BASP1: variants seen among roughly 807,000 people sequenced by gnomAD.
BASP1 encodes brain abundant membrane attached signal protein 1.
In BASP1, 1 loss-of-function variant was observed where a neutral mutation model predicts 2.2. The observed-to-expected ratio is 0.46, with a 90% CI of 0.16 to 2.17. The LOEUF (loss-of-function observed/expected upper bound fraction) is 2.17. BASP1 is among the 30% of genes most tolerant of loss of function. BASP1 has a pLI of 0.27. For synonymous variants in BASP1, 187 were observed against 154.2 expected (o/e 1.21, Z -1.58); for missense variants, 352 against 327.2 (o/e 1.08, Z -0.58).
Position 17,251,203 on chromosome 5 carries a change from T to C in BASP1, c.-9-24005T>C, listed in dbSNP as rs1170606814. Among the ~76,000 whole-genome samples, 1 of 152,204 alleles carries C rather than the reference T, an allele frequency of 6.6e-6. No homozygotes were observed. The highest frequency in any genetic ancestry group is 2.4e-5 in the African/African-American group (1 of 41,446). Reference sequence around the variant, plus strand: ...ACCCCCAAAATATATAATGTGATTATATGTCAATACAAAACCATTAAATAT... The same window carrying C: ...ACCCCCAAAATATATAATGTGATTACATGTCAATACAAAACCATTAAATAT... On this transcript the variant is annotated intron_variant, in intron 1 of 1. Transcript: ENST00000322611. The surrounding 1 kb of genome is among the most constrained non-coding windows in gnomAD (Gnocchi z 4.0).
intron 1 of BASP1, among the ~76,000 whole-genome samples, chr5:17,229,471 A>G (rs1739577360): frequency 6.6e-6 from 1 of 152,156 alleles, no homozygotes; most frequent in Non-Finnish European, 1.5e-5. Context: ...AATTTTTGGT[A>G]AGTACAATAC....
Position 17,275,464 on chromosome 5 carries a change from C to G in BASP1, c.248C>G (p.Pro83Arg). The G allele has an allele frequency of 6.7e-7, 1 of 1,503,044 alleles. No homozygotes were observed. The highest frequency in any genetic ancestry group is 8.9e-7 in the Non-Finnish European group (1 of 1,128,008). The allele number at this position is 1,503,044 out of a possible 1,614,324, so 93.1% of individuals were successfully genotyped here. A position where few individuals can be genotyped will look rare whatever the true frequency, so the allele number is the denominator to read the frequency against. Residue 83 changes from proline (P) to arginine (R), a missense_variant, in exon 2 of 2, where the codon CCG becomes CGG. Pro to Arg is a moderately radical substitution (Grantham distance 103). Transcript: ENST00000322611. The surrounding 1 kb of genome is among the most constrained non-coding windows in gnomAD (Gnocchi z 5.3). ...KDAAAAKEEA[P>R]KAEPEKTEGA... ...GCGGCGGCTGCCAAGGAGGAGGCCC[C>G]GAAGGCGGAGCCCGAGAAGACGGAG...
intron 1 of BASP1, among the ~76,000 whole-genome samples, chr5:17,244,694 GTT>G (rs79126102): frequency 8.7e-5 from 12 of 138,270 alleles, no homozygotes; most frequent in South Asian, 2.3e-4. Flanking sequence ...TAATTGTAGT[GTT>G]TTTTTTTTTT....
chr5:17,218,848 A>G (rs1393827393), intron 1 of BASP1, among the ~76,000 whole-genome samples: 1 of 151,010 alleles, frequency 6.6e-6, no homozygotes, highest in African/African-American at 2.4e-5. Context: ...ATGAATATTC[A>G]TCGAACGCTT....
At chr5:17,271,404 G>T (rs566354282) in intron 1 of BASP1, among the ~76,000 whole-genome samples, 2 of 152,300 alleles carry the variant, frequency 1.3e-5, no homozygotes, top group South Asian at 4.1e-4. Context: ...TTACAGGTGT[G>T]AGCCACCACA....
rs1740639500 is a variant in BASP1 at position 17,275,801 on chromosome 5, C to T, written c.585C>T (p.Ser195=). Reference sequence around the variant, plus strand: ...CCGCAGCCACGGAAGCGCCTAGTTCCACACCCAAGGCCCAGGGCCCCGCAG... The same window carrying T: ...CCGCAGCCACGGAAGCGCCTAGTTCTACACCCAAGGCCCAGGGCCCCGCAG... ...ETPAATEAPS[S]TPKAQGPAAS... The change falls in exon 2 of 2, where the codon TCC becomes TCT. Residue 195 remains serine, a synonymous_variant. Coordinates refer to ENST00000322611, the MANE Select transcript of BASP1 (RefSeq NM_006317.5). The surrounding 1 kb of genome is among the most constrained non-coding windows in gnomAD (Gnocchi z 5.3). 5 of 1,612,818 alleles carry T rather than the reference C, an allele frequency of 3.1e-6. No individual in the cohort carries two copies. The highest frequency in any genetic ancestry group is 1.3e-5 in the African/African-American group (1 of 74,886).
Position 17,234,497 on chromosome 5 carries a change from A to G in BASP1, c.-10+16687A>G, listed in dbSNP as rs1435470396. 3.9e-5 allele frequency among the ~76,000 whole-genome samples: 6 copies of G among 152,250 alleles called. No homozygotes were observed. In the East Asian group the frequency reaches 1.2e-3, roughly 29 times the overall value. ...GTAGTTCTCAGATAAAACTTCCTAAAAGTGGTTCAAGTGATTTCAAAATGC... is the reference window on the plus strand; with the variant it reads ...GTAGTTCTCAGATAAAACTTCCTAAGAGTGGTTCAAGTGATTTCAAAATGC... On this transcript the variant is annotated intron_variant, in intron 1 of 1. Coordinates refer to ENST00000322611, the MANE Select transcript of BASP1 (RefSeq NM_006317.5).
chr5:17,231,395 C>T (rs1273235426), intron 1 of BASP1, among the ~76,000 whole-genome samples: 1 of 152,118 alleles, frequency 6.6e-6, no homozygotes, highest in African/African-American at 2.4e-5. Flanking sequence ...GATCACTGCC[C>T]TAATACTCTC....
At chr5:17,258,076 C>T (rs1740249180) in intron 1 of BASP1, among the ~76,000 whole-genome samples, 3 of 152,184 alleles carry the variant, frequency 2.0e-5, no homozygotes, top group Non-Finnish European at 4.4e-5. Flanking sequence ...CGGCAGTTGG[C>T]TGCTGGGGAA....
At chr5:17,273,965 A>T (rs896458442) in intron 1 of BASP1, among the ~76,000 whole-genome samples, 1 of 152,158 alleles carries the variant, frequency 6.6e-6, no homozygotes, top group Non-Finnish European at 1.5e-5. Flanking sequence ...AGAAAAATGG[A>T]CTTGAAGGAA....
chr5:17,218,141 T>C (rs1193115343), intron 1 of BASP1, among the ~76,000 whole-genome samples: 1 of 151,720 alleles, frequency 6.6e-6, no homozygotes, highest in Non-Finnish European at 1.5e-5. Context: ...AATTGCCGAA[T>C]GCGAAACCCC....
chr5:17,260,882 G>A lies in BASP1; in HGVS notation c.-9-14326G>A, dbSNP rs1340654516. The stretch of plus-strand genomic sequence containing the variant: ...TGAACGCAATCCAACAATATAAAAG[G>A]GTTAAGCAGGCCTGGCCTGGTGGTG... On this transcript the variant is annotated intron_variant, in intron 1 of 1. Coordinates refer to ENST00000322611, the MANE Select transcript of BASP1 (RefSeq NM_006317.5). The surrounding 1 kb of genome is among the most constrained non-coding windows in gnomAD (Gnocchi z 4.2). Among the ~76,000 whole-genome samples, 1 of 152,196 alleles carries A rather than the reference G, an allele frequency of 6.6e-6. No homozygotes were observed. The highest frequency in any genetic ancestry group is 1.5e-5 in the Non-Finnish European group (1 of 68,034).
chr5:17,255,631 A>G (rs1209083076), intron 1 of BASP1, among the ~76,000 whole-genome samples: 2 of 152,176 alleles, frequency 1.3e-5, no homozygotes, highest in Non-Finnish European at 2.9e-5. Context: ...GTTACAGGGT[A>G]GGAAGTTGTA....
At chr5:17,222,445 A>G (rs886105414) in intron 1 of BASP1, among the ~76,000 whole-genome samples, 1 of 152,240 alleles carries the variant, frequency 6.6e-6, no homozygotes, top group Non-Finnish European at 1.5e-5. Flanking sequence ...TTCCAGCCAC[A>G]GCCTTTGAGG....
At chr5:17,255,116 CAT>C (rs1404744940) in intron 1 of BASP1, among the ~76,000 whole-genome samples, 12 of 152,140 alleles carry the variant, frequency 7.9e-5, no homozygotes, top group Non-Finnish European at 1.8e-4. Context: ...TTGTTCCAAA[CAT>C]GTAAAAGATT....
At chr5:17,217,095 AGTGAGT>A (rs1289329349), upstream of BASP1, 39 of 131,136 alleles carry the variant, frequency 3.0e-4, no homozygotes, top group African/African-American at 6.2e-4. Context: ...AGAGAGAGAG[AGTGAGT>A]GAGAGAGTGA....
intron 1 of BASP1, among the ~76,000 whole-genome samples, chr5:17,239,977 T>A (rs1328115459): frequency 3.3e-5 from 5 of 152,094 alleles, no homozygotes; most frequent in Non-Finnish European, 5.9e-5. Context: ...AATATATGTG[T>A]TCCACCAAAA....
At position 17,260,118 on chromosome 5, in the gene BASP1, TA is replaced by T. The variant is rs1484575651; in HGVS notation, c.-9-15088del. 6.6e-6 allele frequency among the ~76,000 whole-genome samples: 1 copy of T among 152,146 alleles called. No individual in the cohort carries two copies. The highest frequency in any genetic ancestry group is 2.4e-5 in the African/African-American group (1 of 41,424). On this transcript the variant is annotated intron_variant, in intron 1 of 1. Transcript: ENST00000322611. This position sits in a 1 kb window ranked among gnomAD's most constrained non-coding sequence, Gnocchi z 4.2. ...TGGGGCTTTTGAAAGGACCACCCGT[TA>T]AGTGCAAATAAATAACAATGTGAAC...
chr5:17,254,778 G>T (rs922712149), intron 1 of BASP1, among the ~76,000 whole-genome samples: 3 of 152,096 alleles, frequency 2.0e-5, no homozygotes, highest in Non-Finnish European at 4.4e-5. Flanking sequence ...GACATTTTAG[G>T]TTTGAATAAG....
Sources: gnomAD v4.1 joint callset for allele counts (sites outside exome capture counted in the v4.1 genomes callset) on GRCh38, gnomAD v4.1.1 for gene constraint, Gnocchi (gnomAD v3.1) non-coding constraint, MANE v1.5 for transcripts, NCBI Gene and HGNC (gene_info 2026-07-23, HGNC 2026-07-21) for gene names.